The following ATRN variants were observed in gnomAD, a reference collection of about 807,000 sequenced individuals.
ATRN encodes the protein attractin, also known as attractin-2.
ATRN carries 54 observed loss-of-function variants against 178.7 expected under a neutral mutation model. The observed-to-expected ratio is 0.30, with a 90% confidence interval of 0.24 to 0.38. ATRN has a LOEUF of 0.38. Ranked by LOEUF, ATRN falls within the 10% of genes least tolerant of loss-of-function variation. The probability of loss-of-function intolerance (pLI) is 1.00; values close to 1 mark genes in which losing one functional copy is unlikely to be tolerated. For synonymous variants in ATRN, 636 were observed against 663.0 expected, an observed-to-expected ratio of 0.96 and a Z score of 0.63; for missense variants, 1,443 against 1,815.1, an observed-to-expected ratio of 0.79 and a Z score of 3.73.
chr20:3,487,320 G>T (rs745584994), intron 1 of ATRN, among the ~76,000 whole-genome samples: 1 of 151,890 alleles, frequency 6.6e-6, no homozygotes, highest in Non-Finnish European at 1.5e-5. Context: ...TGCAACCTCC[G>T]CCTCCCAGGT....
At position 3,595,528 on chromosome 20, in the gene ATRN, TGAA is replaced by T. The variant is rs2086517194; in HGVS notation, c.3417-845_3417-843del. Among the ~76,000 whole-genome samples, 3 of 152,154 alleles carry T rather than the reference TGAA, an allele frequency of 2.0e-5. No individual in the cohort carries two copies. In the South Asian group the frequency reaches 6.2e-4, roughly 32 times the overall value. On this transcript the variant is annotated intron_variant, in intron 20 of 28. Coordinates refer to ENST00000262919, the MANE Select transcript of ATRN (RefSeq NM_139321.3). ...TTCATGTTGCCCTAAAGCCAATATGTGAAGAAAAGTCTAATCCAAGGTTAAATT... is the reference window on the plus strand; with the variant it reads ...TTCATGTTGCCCTAAAGCCAATATGTGAAAAGTCTAATCCAAGGTTAAATT...
intron 10 of ATRN, among the ~76,000 whole-genome samples, chr20:3,563,940 C>A (rs1018063406): frequency 6.6e-6 from 1 of 152,172 alleles, no homozygotes; most frequent in African/African-American, 2.4e-5. Context: ...TAAACACATT[C>A]ATAATGTTAT....
intron 1 of ATRN, among the ~76,000 whole-genome samples, chr20:3,516,559 A>T (rs774802452): frequency 4.3e-4 from 65 of 152,162 alleles, no homozygotes; most frequent in Non-Finnish European, 7.8e-4. Context: ...GATACTTTTG[A>T]TTGGAAACAA....
At chr20:3,508,345 A>G (rs2085076488) in intron 1 of ATRN, among the ~76,000 whole-genome samples, 1 of 152,166 alleles carries the variant, frequency 6.6e-6, no homozygotes, top group South Asian at 2.1e-4. Context: ...AGAGTTGACA[A>G]ACTTTCTTTT....
chr20:3,606,016 A>G (rs773509580), intron 24 of ATRN, among the ~76,000 whole-genome samples: 8 of 152,158 alleles, frequency 5.3e-5, no homozygotes, highest in East Asian at 1.9e-4. Context: ...GACAAAAACT[A>G]TGTTGTAGTT....
chr20:3,533,717 G>A (rs896905408), intron 1 of ATRN, among the ~76,000 whole-genome samples: 1 of 151,948 alleles, frequency 6.6e-6, no homozygotes. Flanking sequence ...TTATCTTGGT[G>A]GTTAGTCCAT....
At chr20:3,518,299 C>T (rs2085234263) in intron 1 of ATRN, among the ~76,000 whole-genome samples, 1 of 152,216 alleles carries the variant, frequency 6.6e-6, no homozygotes, top group Admixed American at 6.5e-5. Context: ...TGCCTGCAGG[C>T]TCCGTGCTTG....
At chr20:3,593,132 C>G (rs1476788659) in intron 19 of ATRN, among the ~76,000 whole-genome samples, 1 of 152,136 alleles carries the variant, frequency 6.6e-6, no homozygotes, top group East Asian at 1.9e-4. Context: ...CTGTGCTGAC[C>G]TTAATTACTT....
At chr20:3,540,437 C>G in intron 3 of ATRN, 102 bp downstream of exon 3, 1 of 720,442 alleles carries the variant, frequency 1.4e-6, no homozygotes, top group South Asian at 2.0e-5. Context: ...TATCACTTAA[C>G]ACATTTATTT....
intron 1 of ATRN, chr20:3,490,421 C>G (rs2084772594): frequency 3.2e-6 from 3 of 926,488 alleles, no homozygotes; most frequent in South Asian, 2.6e-5. Flanking sequence ...AGAGGCTTTA[C>G]TCTATCTGTG....
rs141189129 is a variant in ATRN at position 3,582,721 on chromosome 20, CAAAGA to C, written c.2764+373_2764+377del. Among the ~76,000 whole-genome samples the C allele has an allele frequency of 1.9e-3, 295 of 152,132 alleles. 1 individual carries two copies. The highest frequency in any genetic ancestry group is 6.9e-3 in the African/African-American group (285 of 41,492). ...AAGAAACAAAAAAGGAAAATAAAAA[CAAAGA>C]AAAGATTAGTAAAGCAAGCAAGTGA... On this transcript the variant is annotated intron_variant, in intron 16 of 28. Coordinates refer to ENST00000262919, the MANE Select transcript of ATRN (RefSeq NM_139321.3).
At chr20:3,490,354 T>C in intron 1 of ATRN, 1 of 992,420 alleles carries the variant, frequency 1.0e-6, no homozygotes, top group Non-Finnish European at 1.6e-6. Flanking sequence ...GGTCACATTC[T>C]CCCATTTCTT....
At chr20:3,506,703 G>GACACACAC (rs199888321) in intron 1 of ATRN, among the ~76,000 whole-genome samples, 1 of 148,988 alleles carries the variant, frequency 6.7e-6, no homozygotes, top group Non-Finnish European at 1.5e-5. Context: ...GCCATTAGTG[G>GACACACAC]ACACACACAC....
chr20:3,601,146 C>G (rs915245912), intron 23 of ATRN, 122 bp downstream of exon 23: 1 of 754,988 alleles, frequency 1.3e-6, no homozygotes, highest in African/African-American at 1.8e-5. Flanking sequence ...TTGCCACTTA[C>G]TAGCTATGAG....
chr20:3,545,364 C>CAAAA lies in ATRN; in HGVS notation c.609-384_609-381dup, dbSNP rs1332216289. ...GGGCAACAAGAGCGAAACTCTGTCTCAAAAAAAAAAAAAAAAACAACAAAA... is the reference window on the plus strand; with the variant it reads ...GGGCAACAAGAGCGAAACTCTGTCTCAAAAAAAAAAAAAAAAAAAAACAACAAAA... On this transcript the variant is annotated intron_variant, in intron 3 of 28. Transcript: ENST00000262919. Among the ~76,000 whole-genome samples, 95 of 86,308 alleles carry CAAAA rather than the reference C, an allele frequency of 1.1e-3. 1 individual carries two copies. The highest frequency in any genetic ancestry group is 3.2e-3 in the South Asian group (7 of 2,212). 56.6% of individuals were successfully genotyped at this position (86,308 alleles called of 152,430 possible).
chr20:3,547,228 T>C, intron 4 of ATRN, 56 bp from the exon 5 acceptor site: 5 of 1,360,686 alleles, frequency 3.7e-6, no homozygotes, highest in East Asian at 2.3e-5. Context: ...GAAGTTATGC[T>C]AAGTTAATGG....
intron 25 of ATRN, 68 bp downstream of exon 25, chr20:3,624,640 A>C: frequency 8.3e-7 from 1 of 1,198,422 alleles, no homozygotes; most frequent in Non-Finnish European, 1.2e-6. Context: ...ATAGAGTATC[A>C]GCTCCTAAAA....
intron 15 of ATRN, among the ~76,000 whole-genome samples, chr20:3,579,429 T>C (rs1451301556): frequency 6.6e-6 from 1 of 152,144 alleles, no homozygotes; most frequent in Non-Finnish European, 1.5e-5. Flanking sequence ...GAGGTGGCAG[T>C]GAGCTGAGAT....
intron 14 of ATRN, 33 bp from the exon 15 acceptor site, chr20:3,578,549 A>G (rs1265345765): frequency 1.9e-6 from 3 of 1,556,568 alleles, no homozygotes; most frequent in African/African-American, 2.7e-5. Flanking sequence ...GATTTCTAAA[A>G]TTCTTTTCTT....
Sources: allele counts gnomAD v4.1 joint callset (sites outside exome capture counted in the v4.1 genomes callset), GRCh38; gene constraint gnomAD v4.1.1; transcripts MANE v1.5; gene names NCBI Gene and HGNC (gene_info 2026-07-23, HGNC 2026-07-21).